Variants in HDAC5 observed in about 807,000 individuals in gnomAD.
The protein encoded by HDAC5 is histone deacetylase 5.
HDAC5 carries 25 observed loss-of-function variants against 133.3 expected under a neutral mutation model. The ratio of observed to expected loss-of-function variants is 0.19; its 90% CI spans 0.14 to 0.26. The LOEUF (loss-of-function observed/expected upper bound fraction) is 0.26, where lower values mean the gene tolerates loss of function less well. Ranked by LOEUF, HDAC5 falls within the 10% of genes least tolerant of loss-of-function variation. The pLI is 1.00. For synonymous variants in HDAC5, 589 were observed against 610.8 expected (o/e 0.96, Z 0.53); for missense variants, 1,041 against 1,460.5 (o/e 0.71, Z 4.68).
chr17:44,091,352 G>A lies in HDAC5; in HGVS notation c.1305C>T (p.Asp435=), dbSNP rs749498659. ...GGGAGGCATGCCCGTGGGGGCTCCC[G>A]TCGCCCTCCAGTGCCACGCCCAGCA... ...GCLLGVALEG[D]GSPHGHASLL... is the part of the protein sequence containing the mutation. Residue 435 remains aspartate, a synonymous_variant, in exon 11 of 27, where the codon GAC becomes GAT. Transcript: ENST00000682912. 14 of 1,603,848 alleles carry A rather than the reference G, an allele frequency of 8.7e-6. No homozygotes were observed. Among genetic ancestry groups the A allele is most frequent in the East Asian group, 2.2e-5 (1 of 44,794 alleles).
At chr17:44,107,163 G>A (rs1180494313) in intron 3 of HDAC5, among the ~76,000 whole-genome samples, 3 of 151,870 alleles carry the variant, frequency 2.0e-5, no homozygotes, top group African/African-American at 7.3e-5. Context: ...TGCTGCGCAG[G>A]CTGGTCTCAA....
At chr17:44,101,180 C>T (rs1317109052) in intron 3 of HDAC5, among the ~76,000 whole-genome samples, 2 of 150,354 alleles carry the variant, frequency 1.3e-5, no homozygotes, top group Non-Finnish European at 3.0e-5. Flanking sequence ...CTGAGACAGG[C>T]AGATCACGAG....
intron 2 of HDAC5, among the ~76,000 whole-genome samples, chr17:44,114,855 A>G (rs1267189966): frequency 6.6e-6 from 1 of 152,238 alleles, no homozygotes; most frequent in Non-Finnish European, 1.5e-5. Flanking sequence ...GGCAGAGATC[A>G]GGGAATGGTC....
intron 3 of HDAC5, among the ~76,000 whole-genome samples, chr17:44,096,597 G>A (rs375580518): frequency 5.1e-5 from 7 of 136,170 alleles, no homozygotes; most frequent in African/African-American, 1.3e-4. Flanking sequence ...CCTCAGCCCC[G>A]CAAGTAGCTG....
chr17:44,083,231 A>G (rs1373391012), intron 18 of HDAC5, among the ~76,000 whole-genome samples: 4 of 152,226 alleles, frequency 2.6e-5, no homozygotes, highest in Admixed American at 2.6e-4. Flanking sequence ...TCGGCCTCCC[A>G]AAGTGTTGAG....
chr17:44,086,621 C>G lies in HDAC5; in HGVS notation c.2001G>C (p.Gly667=). ...GRTQSSPAAP[G]GMKSPPDQPV... ...GCTGGTCTGGGGGGCTCTTCATGCC[C>G]CCAGGGGCAGCAGGGGAGGACTGGG... is the stretch of plus-strand genomic sequence containing the variant. The change falls in exon 14 of 27, where the codon GGG becomes GGC. Residue 667 remains glycine (G), a synonymous_variant. Coordinates refer to ENST00000682912, the MANE Select transcript of HDAC5 (RefSeq NM_005474.5). 2 of 1,303,670 alleles carry G rather than the reference C, an allele frequency of 1.5e-6. No individual in the cohort carries two copies. The highest frequency in any genetic ancestry group is 9.8e-7 in the Non-Finnish European group (1 of 1,018,340). The allele number at this position is 1,303,670 out of a possible 1,614,324, so 80.8% of individuals were successfully genotyped here.
intron 3 of HDAC5, among the ~76,000 whole-genome samples, chr17:44,100,983 G>A (rs1374149368): frequency 1.3e-5 from 2 of 148,860 alleles, no homozygotes; most frequent in African/African-American, 2.4e-5. Context: ...TAGAGACGGG[G>A]TTTCACCATG....
At chr17:44,092,921 G>A (rs368328) in intron 6 of HDAC5, 115 bp from the exon 7 acceptor site, 473,721 of 645,916 alleles carry the variant, frequency 0.73, 175,818 homozygotes, top group South Asian at 0.86. Flanking sequence ...GGAAGAGGAC[G>A]TGGATCTTGG....
At position 44,117,565 on chromosome 17, in the gene HDAC5, G is replaced by C; in HGVS notation, c.-50C>G. Reference sequence around the variant, plus strand: ...TGGCGTTGGGGGCTGGGACGGGAGGGGGTGGAGCTGCGGTGATGTCAAGAG... The same window carrying C: ...TGGCGTTGGGGGCTGGGACGGGAGGCGGTGGAGCTGCGGTGATGTCAAGAG... On this transcript the variant is annotated 5_prime_UTR_variant, in exon 2 of 27. Transcript: ENST00000682912. This position sits in a 1 kb window ranked among gnomAD's most constrained non-coding sequence, Gnocchi z 4.2. 6.2e-7 allele frequency: 1 copy of C among 1,601,832 alleles called. No individual in the cohort carries two copies. The highest frequency in any genetic ancestry group is 8.5e-7 in the Non-Finnish European group (1 of 1,171,692).
rs758591636 is a variant in HDAC5, at chr17:44,091,422, G to A, written c.1235C>T (p.Thr412Met). ...QALQSLRQGG[T>M]LTGKFMSTSS... ...TGTGCTCATGAACTTGCCGGTCAGC[G>A]TGCCACCCTGCCGCAGGGACTGGAG... The change falls in exon 11 of 27, where the codon ACG becomes ATG. Residue 412 changes from threonine (T) to methionine (M), a missense_variant. By Grantham distance (81) the Thr-to-Met change is moderately conservative (BLOSUM62 -1). This residue lies in a region of HDAC5 where 433 missense variants were observed against 531.6 expected (regional missense o/e 0.81). Coordinates refer to ENST00000682912, the MANE Select transcript of HDAC5 (RefSeq NM_005474.5). 1.2e-5 allele frequency: 19 copies of A among 1,558,376 alleles called. No individual in the cohort carries two copies. The highest frequency in any genetic ancestry group is 4.9e-5 in the South Asian group (4 of 80,952).
rs769580184 is a variant in HDAC5 at position 44,087,564 on chromosome 17, C to G, written c.1732G>C (p.Glu578Gln). ...ALTMPREGST[E>Q]SESTQEDLEE... ...AGGTCTTCCTGTGTGCTCTCACTCT[C>G]TGTGGAGCCCTCCCGGGGCATGGTC... The change falls in exon 13 of 27, where the codon GAG becomes CAG. Residue 578 changes from glutamate (E) to glutamine (Q), a missense_variant. Physicochemically the swap from Glu to Gln is conservative, Grantham distance 29. Coordinates refer to ENST00000682912, the MANE Select transcript of HDAC5 (RefSeq NM_005474.5). 6.2e-7 allele frequency: 1 copy of G among 1,614,172 alleles called. No individual in the cohort carries two copies. The highest frequency in any genetic ancestry group is 8.5e-7 in the Non-Finnish European group (1 of 1,180,018).
rs147061632 is a variant in HDAC5 at position 44,083,219 on chromosome 17, C to T, written c.2463+326G>A. Among the ~76,000 whole-genome samples, 739 of 152,290 alleles carry T rather than the reference C, an allele frequency of 4.9e-3. 7 individuals are homozygous for T. Among genetic ancestry groups the T allele is most frequent in the African/African-American group, 0.017 (695 of 41,552 alleles). ...CTCCTGGGCTCAAGCTATCTGCCCA[C>T]CTCGGCCTCCCAAAGTGTTGAGATT... On this transcript the variant is annotated intron_variant, in intron 18 of 26. Transcript: ENST00000682912.
rs114855048 is a variant in HDAC5 at position 44,102,080 on chromosome 17, G to A, written c.95-8246C>T. Among the ~76,000 whole-genome samples the A allele has an allele frequency of 7.9e-3, 1,200 of 152,346 alleles. 14 individuals are homozygous for A. The highest frequency in any genetic ancestry group is 0.027 in the African/African-American group (1,141 of 41,574). ...CTAGAATGGTTCCTGTGCTCTAGGA[G>A]CACAAACTGTGGACGCACACTGACA... On this transcript the variant is annotated intron_variant, in intron 3 of 26. Coordinates refer to ENST00000682912, the MANE Select transcript of HDAC5 (RefSeq NM_005474.5).
Position 44,117,132 on chromosome 17 carries a change from A to T in HDAC5, c.22+362T>A, listed in dbSNP as rs906160012. Among the ~76,000 whole-genome samples the T allele has an allele frequency of 5.9e-4, 90 of 152,226 alleles. 1 individual carries two copies. Among genetic ancestry groups the T allele is most frequent in the Admixed American group, 5.9e-3 (90 of 15,288 alleles). Reference sequence around the variant, plus strand: ...GCTGAGCATTCTGCTATAGTAAAGAAATTCCTCCAACATCATCCCAGACTG... The same window carrying T: ...GCTGAGCATTCTGCTATAGTAAAGATATTCCTCCAACATCATCCCAGACTG... On this transcript the variant is annotated intron_variant, in intron 2 of 26. Coordinates refer to ENST00000682912, the MANE Select transcript of HDAC5 (RefSeq NM_005474.5). This position sits in a 1 kb window ranked among gnomAD's most constrained non-coding sequence, Gnocchi z 4.2.
At chr17:44,101,676 TAGAG>T (rs1171681570) in intron 3 of HDAC5, among the ~76,000 whole-genome samples, 1 of 152,068 alleles carries the variant, frequency 6.6e-6, no homozygotes, top group Non-Finnish European at 1.5e-5. Context: ...CCAAGCCTCT[TAGAG>T]AGGCTGCTCT....
At chr17:44,102,755 C>T (rs1261303586) in intron 3 of HDAC5, among the ~76,000 whole-genome samples, 2 of 150,594 alleles carry the variant, frequency 1.3e-5, no homozygotes, top group Non-Finnish European at 3.0e-5. Flanking sequence ...CAACCTCCGC[C>T]TCCTGGGTTC....
chr17:44,123,103 C>A (rs1423286755), intron 1 of HDAC5, among the ~76,000 whole-genome samples: 1 of 152,110 alleles, frequency 6.6e-6, no homozygotes, highest in Non-Finnish European at 1.5e-5. Flanking sequence ...GGGTGTCCAG[C>A]GAAGAGGGGT....
intron 3 of HDAC5, among the ~76,000 whole-genome samples, chr17:44,108,962 G>C (rs1311398907): frequency 6.6e-6 from 1 of 152,082 alleles, no homozygotes; most frequent in African/African-American, 2.4e-5. Context: ...TGGGGGTGGA[G>C]TGGGGAGACA....
chr17:44,115,541 C>T (rs923327064), intron 2 of HDAC5, among the ~76,000 whole-genome samples: 4 of 152,216 alleles, frequency 2.6e-5, no homozygotes, highest in South Asian at 2.1e-4. Flanking sequence ...GAATAGCAGA[C>T]GCTAGGCCCC....
Sources: gnomAD v4.1 joint callset for allele counts (sites outside exome capture counted in the v4.1 genomes callset) on GRCh38, gnomAD v4.1.1 for gene constraint, gnomAD v4.1.1 regional missense constraint, Gnocchi (gnomAD v3.1) non-coding constraint, MANE v1.5 for transcripts, NCBI Gene and HGNC (gene_info 2026-07-23, HGNC 2026-07-21) for gene names.